The following CCDC138 variants were observed in gnomAD, a reference collection of about 807,000 sequenced individuals.
CCDC138 encodes coiled-coil domain containing 138.
A neutral mutation model predicts 82.3 loss-of-function variants in CCDC138; 66 were observed. The ratio of observed to expected loss-of-function variants is 0.80; its 90% confidence interval spans 0.66 to 0.98. The LOEUF is 0.98. Ranked by LOEUF, CCDC138 falls within the 50% of genes least tolerant of loss-of-function variation. CCDC138 has a pLI of 0.00. For missense variants in CCDC138, 816 were observed against 758.9 expected (o/e 1.08, Z -0.88); for synonymous variants, 297 against 265.4 (o/e 1.12, Z -1.16).
chr2:108,848,111 T>C (rs1318138907), intron 12 of CCDC138, among the ~76,000 whole-genome samples: 1 of 152,184 alleles, frequency 6.6e-6, no homozygotes, highest in African/African-American at 2.4e-5. Context: ...AATATTAGTA[T>C]CAAGAATTTG....
rs1696391157 is a variant in CCDC138, at chr2:108,885,101, G to A, written c.*45-1G>A. On this transcript the variant is annotated splice_acceptor_variant, in intron 2 of 2. Transcript: ENST00000608781. LOFTEE classifies it low-confidence loss of function (3UTR_SPLICE). The stretch of plus-strand genomic sequence containing the variant: ...ATTACTAATCAGTGTCTTTTTTCCA[G>A]GTACTCTGTAAGGGAGCTGAAACTT... 1 of 152,196 alleles carries A rather than the reference G, an allele frequency of 6.6e-6. No individual in the cohort carries two copies. Among genetic ancestry groups the A allele is most frequent in the South Asian group, 2.1e-4 (1 of 4,830 alleles). 9.4% of individuals were successfully genotyped at this position (152,196 alleles called of 1,614,324 possible). A position where few individuals can be genotyped will look rare whatever the true frequency, so the allele number is the denominator to read the frequency against.
At chr2:108,881,898 CT>C (rs1163605140) in intron 1 of CCDC138, among the ~76,000 whole-genome samples, 3 of 152,120 alleles carry the variant, frequency 2.0e-5, no homozygotes, top group African/African-American at 7.2e-5. Context: ...AACCCCAGCA[CT>C]TTGGGAAGCT....
intron 10 of CCDC138, among the ~76,000 whole-genome samples, chr2:108,836,729 AT>A (rs1269869904): frequency 1.3e-5 from 2 of 151,804 alleles, no homozygotes; most frequent in Non-Finnish European, 2.9e-5. Flanking sequence ...GTGTCTTTTA[AT>A]TTTTTTCATC....
intron 11 of CCDC138, among the ~76,000 whole-genome samples, chr2:108,843,509 G>T (rs1218871128): frequency 2.6e-5 from 4 of 152,262 alleles, no homozygotes; most frequent in South Asian, 2.1e-4. Flanking sequence ...AACATATTTT[G>T]ATTTCCTTTC....
intron 2 of CCDC138, 119 bp from the exon 3 acceptor site, chr2:108,788,733 G>GAA: frequency 7.3e-7 from 1 of 1,377,770 alleles, no homozygotes; most frequent in Non-Finnish European, 9.6e-7. Context: ...GAAAAAAAAA[G>GAA]AAAAAAAAAT....
Position 108,799,194 on chromosome 2 carries a change from C to T in CCDC138, c.735+608C>T, listed in dbSNP as rs985625304. Among the ~76,000 whole-genome samples the T allele has an allele frequency of 7.0e-4, 107 of 152,254 alleles. 2 individuals carry two copies. Among genetic ancestry groups the T allele is most frequent in the Middle Eastern group, 3.4e-3 (1 of 294 alleles). ...TTCAGGCCAGCATTCTTATATGTCA[C>T]ATTGTGGATTTGCCTGATTGCTTCG... On this transcript the variant is annotated intron_variant, in intron 6 of 14. Transcript: ENST00000295124.
intron 14 of CCDC138, among the ~76,000 whole-genome samples, chr2:108,874,076 A>G (rs764319116): frequency 1.3e-5 from 2 of 152,216 alleles, no homozygotes; most frequent in Non-Finnish European, 2.9e-5. Flanking sequence ...AATGCTTCAT[A>G]TAAAAGTAAG....
chr2:108,797,759 G>A (rs1160436853), intron 5 of CCDC138, among the ~76,000 whole-genome samples: 4 of 152,164 alleles, frequency 2.6e-5, no homozygotes, highest in African/African-American at 9.7e-5. Context: ...TGAAGTTAGA[G>A]ACCAGGCTAT....
intron 10 of CCDC138, among the ~76,000 whole-genome samples, chr2:108,833,015 CT>C (rs1212706619): frequency 1.3e-5 from 2 of 152,090 alleles, no homozygotes; most frequent in Admixed American, 1.3e-4. Context: ...AGAAGCCAGC[CT>C]GAAAAGGCTA....
intron 7 of CCDC138, 83 bp from the exon 8 acceptor site, chr2:108,812,548 G>A: frequency 1.0e-6 from 1 of 980,498 alleles, no homozygotes; most frequent in Non-Finnish European, 1.6e-6. Context: ...ATATCAACCA[G>A]ATTAGATAGT....
chr2:108,845,475 G>A (rs1230143210), intron 11 of CCDC138, among the ~76,000 whole-genome samples: 1 of 152,096 alleles, frequency 6.6e-6, no homozygotes, highest in South Asian at 2.1e-4. Context: ...CATGAGATTG[G>A]AGAATTGGGT....
chr2:108,828,163 A>G (rs1467011682), intron 10 of CCDC138, among the ~76,000 whole-genome samples: 3 of 152,188 alleles, frequency 2.0e-5, no homozygotes, highest in African/African-American at 7.2e-5. Context: ...TAACACCAAA[A>G]TATATTGTAG....
Position 108,786,905 on chromosome 2 carries a change from G to C in CCDC138, c.83G>C (p.Cys28Ser), listed in dbSNP as rs1453608351. The C allele has an allele frequency of 1.3e-6, 2 of 1,539,534 alleles. No homozygotes were observed. ...AGCCGCTACGGACTCGGGGGCAGCT[G>C]CCCCGACGAGGTGAAGCCGCCGCCT... ...LKSRYGLGGS[C>S]PDEYDFSNFY... Residue 28 changes from cysteine (C) to serine (S), a missense_variant, in exon 1 of 15, where the codon TGC becomes TCC. Physicochemically the swap from Cys to Ser is moderately radical, Grantham distance 112. Transcript: ENST00000295124.
At position 108,825,737 on chromosome 2, in the gene CCDC138, T is replaced by C. The variant is rs60942586; in HGVS notation, c.1206+9632T>C. Among the ~76,000 whole-genome samples, 690 of 152,326 alleles carry C rather than the reference T, an allele frequency of 4.5e-3. 4 individuals carry two copies. The highest frequency in any genetic ancestry group is 0.016 in the African/African-American group (659 of 41,578). On this transcript the variant is annotated intron_variant, in intron 10 of 14. Coordinates refer to ENST00000295124, the MANE Select transcript of CCDC138 (RefSeq NM_144978.3). ...TGGGTTGTTTGCATTTGTTGGCTGT[T>C]ATGAATGGTGTTGCTATGAACATTT...
At position 108,794,560 on chromosome 2, in the gene CCDC138, A is replaced by G. The variant is rs1284177146; in HGVS notation, c.415A>G (p.Thr139Ala). 6.2e-7 allele frequency: 1 copy of G among 1,611,286 alleles called. No homozygotes were observed. The highest frequency in any genetic ancestry group is 2.2e-5 in the East Asian group (1 of 44,832). The change falls in exon 5 of 15, where the codon ACC becomes GCC. Residue 139 changes from threonine (T) to alanine (A), a missense_variant. Coordinates refer to ENST00000295124, the MANE Select transcript of CCDC138 (RefSeq NM_144978.3). ...IEKVALPTNTTSSRPRTECCS... is the reference protein window; with the variant it reads ...IEKVALPTNTASSRPRTECCS... ...TGCAGTTGCCTTGCCAACTAATACG[A>G]CCTCATCGAGACCTCGGACTGAGTG...
At chr2:108,831,121 G>A (rs1025510742) in intron 10 of CCDC138, among the ~76,000 whole-genome samples, 3 of 152,122 alleles carry the variant, frequency 2.0e-5, no homozygotes, top group Non-Finnish European at 4.4e-5. Context: ...GTTTCAGTGA[G>A]CCAAGATCAT....
chr2:108,875,497 TGCTA>T (rs929874450), intron 14 of CCDC138, among the ~76,000 whole-genome samples: 1 of 152,140 alleles, frequency 6.6e-6, no homozygotes, highest in African/African-American at 2.4e-5. Flanking sequence ...TTGTCTGTTT[TGCTA>T]GCTGTGAAAA....
chr2:108,834,501 C>T (rs1004930793), intron 10 of CCDC138, among the ~76,000 whole-genome samples: 4 of 152,178 alleles, frequency 2.6e-5, no homozygotes, highest in Admixed American at 1.3e-4. Flanking sequence ...AGGCATGAGC[C>T]ACCATGCCTG....
chr2:108,821,095 C>T (rs1685618007), intron 10 of CCDC138, among the ~76,000 whole-genome samples: 2 of 152,156 alleles, frequency 1.3e-5, no homozygotes, highest in South Asian at 4.1e-4. Flanking sequence ...CGGTGGCTCA[C>T]GCCTGTAATC....
Sources: gnomAD v4.1 joint callset for allele counts (sites outside exome capture counted in the v4.1 genomes callset) on GRCh38, gnomAD v4.1.1 for gene constraint, MANE v1.5 for transcripts, NCBI Gene and HGNC (gene_info 2026-07-23, HGNC 2026-07-21) for gene names.